Variants in FARP1 observed in about 807,000 individuals in gnomAD.
FARP1 encodes the protein FERM, ARHGEF and pleckstrin domain-containing protein 1.
Under a neutral mutation model 128.8 loss-of-function variants are expected in FARP1, and 52 were observed. That is an observed-to-expected ratio of 0.40 (90% CI 0.32 to 0.51). FARP1 has a LOEUF of 0.51. FARP1 is among the 20% of genes least tolerant of loss of function. The probability of loss-of-function intolerance (pLI) is 0.45; values close to 1 mark genes in which losing one functional copy is unlikely to be tolerated. For synonymous variants in FARP1, 580 were observed against 551.8 expected (o/e 1.05, Z -0.72); for missense variants, 1,333 against 1,367.9 (o/e 0.97, Z 0.40).
intron 2 of FARP1, among the ~76,000 whole-genome samples, chr13:98,259,911 GTGTGTGTGTA>G (rs1338930450): frequency 1.3e-5 from 2 of 151,696 alleles, no homozygotes; most frequent in Admixed American, 6.6e-5. Flanking sequence ...GTGTGTGTGT[GTGTGTGTGTA>G]TTGAGAAGAC....
At chr13:98,434,510 CTG>C (rs1178347611) in intron 18 of FARP1, 1 of 152,218 alleles carries the variant, frequency 6.6e-6, no homozygotes, top group African/African-American at 2.4e-5. Flanking sequence ...GTTCTGAAGA[CTG>C]AAGTTCAGTC....
At chr13:98,392,169 T>C (rs1220917486) in intron 11 of FARP1, among the ~76,000 whole-genome samples, 1 of 152,016 alleles carries the variant, frequency 6.6e-6, no homozygotes, top group Admixed American at 6.6e-5. Flanking sequence ...TGCATATTAC[T>C]GCATCCCAAA....
intron 2 of FARP1, among the ~76,000 whole-genome samples, chr13:98,267,173 C>A (rs1381559023): frequency 1.3e-5 from 2 of 152,214 alleles, no homozygotes; most frequent in African/African-American, 4.8e-5. Flanking sequence ...CTATGTTTTT[C>A]TTAAAGATAC....
intron 24 of FARP1, among the ~76,000 whole-genome samples, chr13:98,444,331 G>T (rs1469079700): frequency 2.0e-5 from 3 of 151,910 alleles, no homozygotes; most frequent in Admixed American, 6.6e-5. Flanking sequence ...CTTGTTGGGG[G>T]TGCAATTCAA....
At chr13:98,259,154 T>A (rs1883753808) in intron 2 of FARP1, among the ~76,000 whole-genome samples, 1 of 152,172 alleles carries the variant, frequency 6.6e-6, no homozygotes, top group Non-Finnish European at 1.5e-5. Flanking sequence ...GAGGCTGCAG[T>A]GATCCATGGT....
intron 1 of FARP1, among the ~76,000 whole-genome samples, 180 bp from the exon 2 acceptor site, chr13:98,213,040 A>T (rs1880826239): frequency 6.6e-6 from 1 of 152,188 alleles, no homozygotes; most frequent in Non-Finnish European, 1.5e-5. Flanking sequence ...GTATGCAAAA[A>T]GTATTTGCAT....
intron 1 of FARP1, among the ~76,000 whole-genome samples, chr13:98,161,659 G>C (rs572198256): frequency 6.6e-6 from 1 of 152,138 alleles, no homozygotes; most frequent in Non-Finnish European, 1.5e-5. Flanking sequence ...TGACTATATT[G>C]TGTGGCGATT....
At chr13:98,431,521 G>C (rs1469743885) in intron 18 of FARP1, 4 of 360,178 alleles carry the variant, frequency 1.1e-5, no homozygotes, top group Non-Finnish European at 2.0e-5. Flanking sequence ...GAGTGCAATG[G>C]TGCGATCTCG....
rs563448738 is a variant in FARP1, at chr13:98,314,983, CGA to C, written c.172-28772_172-28771del. Among the ~76,000 whole-genome samples the C allele has an allele frequency of 5.3e-5, 8 of 152,234 alleles. No homozygotes were observed. The South Asian group carries it at 1.7e-3, about 32-fold the overall frequency. ...GAAAAACACCAGGACCCTGTGTGGGCGAGAGAGAAGCTAAAACACCCAGAGCT... is the reference window on the plus strand; with the variant it reads ...GAAAAACACCAGGACCCTGTGTGGGCGAGAGAAGCTAAAACACCCAGAGCT... On this transcript the variant is annotated intron_variant, in intron 2 of 26. Transcript: ENST00000319562.
In FARP1 at chr13:98,451,118, A is replaced by G. The variant is rs1403537840; in HGVS notation, c.*2801A>G. ...CTGTTACTAGCATGAGACTGGCTTC[A>G]GTGCTAAAAACTGTGATGTCATTGT... On this transcript the variant is annotated 3_prime_UTR_variant, in exon 27 of 27. Coordinates refer to ENST00000319562, the MANE Select transcript of FARP1 (RefSeq NM_005766.4). 1.3e-5 allele frequency: 2 copies of G among 152,178 alleles called. No homozygotes were observed. The highest frequency in any genetic ancestry group is 4.8e-5 in the African/African-American group (2 of 41,444). 9.4% of individuals were successfully genotyped at this position (152,178 alleles called of 1,614,324 possible). A position where few individuals can be genotyped will look rare whatever the true frequency, so the allele number is the denominator to read the frequency against.
intron 1 of FARP1, among the ~76,000 whole-genome samples, chr13:98,163,772 G>A (rs1240717590): frequency 2.0e-5 from 3 of 151,226 alleles, no homozygotes; most frequent in East Asian, 2.0e-4. Flanking sequence ...GCAGTGGCGC[G>A]ATCTCAGCTC....
At chr13:98,345,458 A>C (rs1320495481) in intron 3 of FARP1, 1 of 152,210 alleles carries the variant, frequency 6.6e-6, no homozygotes, top group Non-Finnish European at 1.5e-5. Context: ...TTTTGCTAGA[A>C]TTTGTAAGCC....
At chr13:98,186,143 C>T (rs2033743994) in intron 1 of FARP1, among the ~76,000 whole-genome samples, 2 of 151,910 alleles carry the variant, frequency 1.3e-5, no homozygotes, top group Admixed American at 6.6e-5. Context: ...GCTCTTGTTG[C>T]CCAGGCTGGC....
intron 2 of FARP1, among the ~76,000 whole-genome samples, chr13:98,289,992 A>G (rs565582234): frequency 6.6e-6 from 1 of 152,156 alleles, no homozygotes; most frequent in African/African-American, 2.4e-5. Context: ...TTCTCCCCAC[A>G]ACACCCCCAT....
In FARP1 at chr13:98,446,160, G is replaced by GGTGGT. The variant is rs746762771; in HGVS notation, c.2862_2866dup (p.Phe956TrpfsTer70). ...ACAGCAACGGGTGGCAGAAGCTGTG[G>GGTGGT]GTGGTGTTCACAAACTTCTGCCTGT... On this transcript the variant is annotated frameshift_variant, in exon 25 of 27. Transcript: ENST00000319562. LOFTEE classifies it high-confidence loss of function. 1 of 1,614,050 alleles carries GGTGGT rather than the reference G, an allele frequency of 6.2e-7. No individual in the cohort carries two copies. Among genetic ancestry groups the GGTGGT allele is most frequent in the Non-Finnish European group, 8.5e-7 (1 of 1,179,910 alleles).
At chr13:98,244,370 T>C in intron 2 of FARP1, 1 of 780,460 alleles carries the variant, frequency 1.3e-6, no homozygotes, top group Non-Finnish European at 2.0e-6. Flanking sequence ...CCAGTCAAGG[T>C]AATAAACATA....
At position 98,446,227 on chromosome 13, in the gene FARP1, G is replaced by A. The variant is rs1213451929; in HGVS notation, c.2904+22G>A. The A allele has an allele frequency of 2.6e-6, 4 of 1,517,528 alleles. No homozygotes were observed. In the African/African-American group the frequency reaches 4.1e-5, roughly 16 times the overall value. The allele number at this position is 1,517,528 out of a possible 1,614,324, so 94.0% of individuals were successfully genotyped here. A position where few individuals can be genotyped will look rare whatever the true frequency, so the allele number is the denominator to read the frequency against. ...CCAGGTAAGTGTCTCGCACAGGGCA[G>A]GTGGCCCTGGGACCTTGGGGGTGGC... On this transcript the variant is annotated intron_variant, in intron 25 of 26. Transcript: ENST00000319562.
intron 2 of FARP1, among the ~76,000 whole-genome samples, chr13:98,311,344 C>T (rs1223274841): frequency 6.6e-6 from 1 of 152,154 alleles, no homozygotes; most frequent in Admixed American, 6.5e-5. Flanking sequence ...TGTTTGTTTC[C>T]TCTCCCAAAG....
At chr13:98,360,860 CAG>C (rs1888842301) in intron 3 of FARP1, among the ~76,000 whole-genome samples, 2 of 152,124 alleles carry the variant, frequency 1.3e-5, no homozygotes. Context: ...TCAGTGAGAA[CAG>C]GGGCTACGGT....
Sources: gnomAD v4.1 joint callset for allele counts (sites outside exome capture counted in the v4.1 genomes callset) on GRCh38, gnomAD v4.1.1 for gene constraint, MANE v1.5 for transcripts, NCBI Gene and HGNC (gene_info 2026-07-23, HGNC 2026-07-21) for gene names.